ARHGAP24: variants seen among roughly 807,000 people sequenced by gnomAD.
ARHGAP24 encodes the protein Rho GTPase activating protein 24, also known as rho GTPase-activating protein 24.
In ARHGAP24, 50 loss-of-function variants were observed where a neutral mutation model predicts 76.4. That is an observed-to-expected ratio of 0.65 (90% CI 0.52 to 0.83). ARHGAP24 has a LOEUF of 0.83. Among genes scored for constraint, ARHGAP24 ranks in the 40% least tolerant of loss-of-function variants. ARHGAP24 has a pLI of 0.00. For missense variants in ARHGAP24, 930 were observed against 914.2 expected, an observed-to-expected ratio of 1.02 and a Z score of -0.22; for synonymous variants, 345 against 323.3, an observed-to-expected ratio of 1.07 and a Z score of -0.72.
chr4:85,857,356 T>C (rs528325475), intron 3 of ARHGAP24, among the ~76,000 whole-genome samples: 1 of 152,342 alleles, frequency 6.6e-6, no homozygotes, highest in East Asian at 1.9e-4. Context: ...CATAATGTAG[T>C]AAGTAAAATT....
chr4:85,683,111 GGGGGGT>G (rs1723274664), intron 2 of ARHGAP24, among the ~76,000 whole-genome samples: 1 of 101,056 alleles, frequency 9.9e-6, no homozygotes, highest in Non-Finnish European at 2.0e-5. Context: ...TCAGTGTGTG[GGGGGGT>G]GGGGGGGGGG....
intron 2 of ARHGAP24, among the ~76,000 whole-genome samples, chr4:85,665,970 T>C (rs967094233): frequency 8.5e-5 from 13 of 152,238 alleles, no homozygotes; most frequent in African/African-American, 3.1e-4. Context: ...ATTTCAACTT[T>C]GGTGAATCTG....
intron 2 of ARHGAP24, among the ~76,000 whole-genome samples, chr4:85,596,514 AG>A (rs1441284995): frequency 6.6e-6 from 1 of 152,084 alleles, no homozygotes; most frequent in African/African-American, 2.4e-5. Context: ...GAGCCTTCTC[AG>A]GGGTTCAAGG....
intron 5 of ARHGAP24, among the ~76,000 whole-genome samples, chr4:85,956,735 G>A (rs1450865726): frequency 2.0e-5 from 3 of 152,162 alleles, no homozygotes; most frequent in South Asian, 2.1e-4. Context: ...GGCAATGGAC[G>A]CCTCGCTGAA....
intron 3 of ARHGAP24, among the ~76,000 whole-genome samples, chr4:85,899,343 T>G (rs1304047606): frequency 2.0e-5 from 3 of 152,232 alleles, no homozygotes; most frequent in African/African-American, 4.8e-5. Flanking sequence ...CAAGGTCAGT[T>G]AATCAGTAAA....
At chr4:85,594,105 T>A (rs1728221430) in intron 2 of ARHGAP24, among the ~76,000 whole-genome samples, 1 of 152,072 alleles carries the variant, frequency 6.6e-6, no homozygotes, top group Admixed American at 6.6e-5. Flanking sequence ...TTCCTTTTTT[T>A]AATATCCTCT....
Position 85,519,577 on chromosome 4 carries a change from A to G in ARHGAP24, c.-21+44018A>G, listed in dbSNP as rs574816036. Among the ~76,000 whole-genome samples, 4 of 152,296 alleles carry G rather than the reference A, an allele frequency of 2.6e-5. No individual in the cohort carries two copies. The East Asian group carries it at 5.8e-4, about 22-fold the overall frequency. ...TATTGGAGAGACAGGCTTTATACAC[A>G]TAAAATTAGATCTCAACAAAATTAT... On this transcript the variant is annotated intron_variant, in intron 1 of 9. Transcript: ENST00000395184.
chr4:85,954,778 C>T (rs1242933924), intron 5 of ARHGAP24, among the ~76,000 whole-genome samples: 4 of 152,180 alleles, frequency 2.6e-5, no homozygotes, highest in South Asian at 2.1e-4. Context: ...GAGGCCAAGG[C>T]GGGTGTATCA....
At chr4:85,828,928 T>C (rs1729855016) in intron 3 of ARHGAP24, among the ~76,000 whole-genome samples, 1 of 151,968 alleles carries the variant, frequency 6.6e-6, no homozygotes, top group South Asian at 2.1e-4. Flanking sequence ...ACTGTGTAAG[T>C]AGAAGAAGAA....
chr4:85,690,547 G>A (rs1222857145), intron 2 of ARHGAP24, among the ~76,000 whole-genome samples: 1 of 152,122 alleles, frequency 6.6e-6, no homozygotes, highest in African/African-American at 2.4e-5. Context: ...TTGGAAGATT[G>A]TGTGTTTCCA....
At chr4:85,723,474 T>C (rs1159114274) in intron 3 of ARHGAP24, 1 of 152,252 alleles carries the variant, frequency 6.6e-6, no homozygotes, top group African/African-American at 2.4e-5. Context: ...GCAGTGCGTA[T>C]GACATAATGG....
At chr4:85,989,285 A>G (rs1740184394) in intron 8 of ARHGAP24, among the ~76,000 whole-genome samples, 3 of 151,682 alleles carry the variant, frequency 2.0e-5, no homozygotes, top group African/African-American at 7.2e-5. Flanking sequence ...GAAATTGGGC[A>G]ATGGAGATGA....
intron 1 of ARHGAP24, among the ~76,000 whole-genome samples, chr4:85,564,966 A>ATG (rs1726775880): frequency 7.9e-6 from 1 of 127,034 alleles, no homozygotes; most frequent in Non-Finnish European, 1.6e-5. Context: ...ATATATATAT[A>ATG]TATACCCACA....
intron 2 of ARHGAP24, among the ~76,000 whole-genome samples, chr4:85,666,742 G>T (rs1722635211): frequency 6.6e-6 from 1 of 152,172 alleles, no homozygotes; most frequent in Non-Finnish European, 1.5e-5. Context: ...AGGTCTGTTG[G>T]AGTTTGCTAG....
chr4:85,519,228 A>G (rs1194930605), intron 1 of ARHGAP24, among the ~76,000 whole-genome samples: 1 of 152,104 alleles, frequency 6.6e-6, no homozygotes, highest in East Asian at 1.9e-4. Context: ...TTTTTCCTCA[A>G]TTCCCCTTTG....
At chr4:85,502,573 T>A (rs1723865927) in intron 1 of ARHGAP24, among the ~76,000 whole-genome samples, 2 of 152,350 alleles carry the variant, frequency 1.3e-5, no homozygotes, top group African/African-American at 4.8e-5. Context: ...TGATTTTGTA[T>A]CCTGAGACTC....
intron 3 of ARHGAP24, among the ~76,000 whole-genome samples, chr4:85,744,379 T>A (rs1345525826): frequency 6.6e-6 from 1 of 152,206 alleles, no homozygotes; most frequent in Non-Finnish European, 1.5e-5. Flanking sequence ...TAGGATTCTG[T>A]TTTTAATCTC....
At chr4:85,925,385 C>A (rs912076030) in intron 4 of ARHGAP24, among the ~76,000 whole-genome samples, 2 of 152,268 alleles carry the variant, frequency 1.3e-5, no homozygotes, top group African/African-American at 4.8e-5. Context: ...CCTTGTTTTA[C>A]TTAATAATTG....
chr4:85,830,629 G>T (rs1296403275), intron 3 of ARHGAP24, among the ~76,000 whole-genome samples: 16 of 152,294 alleles, frequency 1.1e-4, no homozygotes, highest in African/African-American at 3.6e-4. Context: ...TCTTCCCAAA[G>T]CAGTATAGAT....
Sources: allele counts gnomAD v4.1 joint callset (sites outside exome capture counted in the v4.1 genomes callset), GRCh38; gene constraint gnomAD v4.1.1; transcripts MANE v1.5; gene names NCBI Gene and HGNC (gene_info 2026-07-23, HGNC 2026-07-21).